MEIOSIN: variants seen among roughly 807,000 people sequenced by gnomAD.
MEIOSIN encodes the protein meiosis initiator, also known as meiosis initiator protein.
MEIOSIN carries 18 observed loss-of-function variants against 23.4 expected under a neutral mutation model. The ratio of observed to expected loss-of-function variants is 0.77; its 90% CI spans 0.53 to 1.14. MEIOSIN has a LOEUF of 1.14. MEIOSIN is among the 50% of genes most tolerant of loss of function. The pLI is 0.00. For synonymous variants in MEIOSIN, 187 were observed against 100.6 expected (o/e 1.86, Z -5.14); for missense variants, 428 against 242.9 (o/e 1.76, Z -5.07).
At chr19:45,762,937 C>A (rs1435374254) in intron 13 of MEIOSIN, among the ~76,000 whole-genome samples, 2 of 152,174 alleles carry the variant, frequency 1.3e-5, no homozygotes, top group African/African-American at 4.8e-5. Flanking sequence ...GGGTCCTGTC[C>A]CCCACCCAAG....
chr19:45,757,641 C>T (rs1341057090), intron 9 of MEIOSIN, among the ~76,000 whole-genome samples: 1 of 151,778 alleles, frequency 6.6e-6, no homozygotes, highest in Non-Finnish European at 1.5e-5. Context: ...CTGCCTCAGC[C>T]TCCCGAGTAG....
At chr19:45,740,810 G>A (rs1339462578) in intron 3 of MEIOSIN, among the ~76,000 whole-genome samples, 1 of 150,224 alleles carries the variant, frequency 6.7e-6, no homozygotes, top group African/African-American at 2.4e-5. Flanking sequence ...TGATAATAAA[G>A]TAACTAGGGT....
At chr19:45,758,743 G>T in intron 9 of MEIOSIN, 135 bp from the exon 10 acceptor site, 1 of 605,628 alleles carries the variant, frequency 1.7e-6, no homozygotes, top group South Asian at 1.9e-5. Context: ...CTTCATTTCT[G>T]TGATCAAGAA....
intron 4 of MEIOSIN, among the ~76,000 whole-genome samples, chr19:45,745,972 T>C (rs1393159053): frequency 6.6e-6 from 1 of 152,120 alleles, no homozygotes; most frequent in Non-Finnish European, 1.5e-5. Context: ...TTTTGTTTTG[T>C]TTTGTTTTGT....
intron 8 of MEIOSIN, 67 bp from the exon 9 acceptor site, chr19:45,757,110 A>C (rs1351232134): frequency 1.5e-6 from 1 of 688,956 alleles, no homozygotes; most frequent in Non-Finnish European, 2.7e-6. Flanking sequence ...CAGAGTGCCA[A>C]AGGGGCCCCA....
intron 13 of MEIOSIN, 32 bp downstream of exon 13, chr19:45,762,215 A>T: frequency 2.5e-6 from 1 of 405,294 alleles, no homozygotes; most frequent in Non-Finnish European, 4.3e-6. Flanking sequence ...GCCCTGGGGA[A>T]GGCCCTGGCT....
intron 3 of MEIOSIN, 85 bp from the exon 4 acceptor site, chr19:45,745,107 G>A: frequency 1.4e-6 from 1 of 690,926 alleles, no homozygotes; most frequent in Non-Finnish European, 2.6e-6. Flanking sequence ...GCCCTAAAAT[G>A]AGTAACACAG....
At chr19:45,751,070 C>G (rs1481007773) in intron 5 of MEIOSIN, among the ~76,000 whole-genome samples, 1 of 151,752 alleles carries the variant, frequency 6.6e-6, no homozygotes, top group Non-Finnish European at 1.5e-5. Flanking sequence ...GTCAGGAGTT[C>G]GAGACCAGCC....
intron 3 of MEIOSIN, 141 bp downstream of exon 3, chr19:45,739,871 G>A: frequency 1.6e-6 from 1 of 609,300 alleles, no homozygotes; most frequent in East Asian, 2.8e-5. Context: ...TTTTGAGACA[G>A]AGCTTTGCTC....
chr19:45,760,855 G>A (rs1055410371), intron 11 of MEIOSIN, among the ~76,000 whole-genome samples: 1 of 150,636 alleles, frequency 6.6e-6, no homozygotes, highest in African/African-American at 2.4e-5. Flanking sequence ...TTGAACCCAA[G>A]AGGTGGAGAA....
In MEIOSIN at chr19:45,754,295, C is replaced by A. The variant is rs1968772414; in HGVS notation, c.557-184C>A. Among the ~76,000 whole-genome samples, 5 of 152,238 alleles carry A rather than the reference C, an allele frequency of 3.3e-5. No homozygotes were observed. In the South Asian group the frequency reaches 1.0e-3, roughly 32 times the overall value. On this transcript the variant is annotated intron_variant, in intron 6 of 14. Coordinates refer to ENST00000457052, the MANE Select transcript of MEIOSIN (RefSeq NM_001310124.2). ...CCTGGCCAGTGTTTTTTAAAGGTCGCAAGATGATTCTGACAGGTGGACAGG... is the reference window on the plus strand; with the variant it reads ...CCTGGCCAGTGTTTTTTAAAGGTCGAAAGATGATTCTGACAGGTGGACAGG...
intron 11 of MEIOSIN, among the ~76,000 whole-genome samples, chr19:45,760,760 C>T (rs543426048): frequency 4.0e-5 from 6 of 151,740 alleles, no homozygotes; most frequent in African/African-American, 1.5e-4. Flanking sequence ...GAAACCCCCT[C>T]TCTACTAAAA....
At chr19:45,746,586 G>A (rs1181289748) in intron 4 of MEIOSIN, among the ~76,000 whole-genome samples, 1 of 151,942 alleles carries the variant, frequency 6.6e-6, no homozygotes, top group Non-Finnish European at 1.5e-5. Flanking sequence ...TTGGGAGGCC[G>A]AGGTGGGTGG....
At chr19:45,759,172 C>A in intron 10 of MEIOSIN, 139 bp downstream of exon 10, 2 of 636,984 alleles carry the variant, frequency 3.1e-6, no homozygotes, top group South Asian at 1.8e-5. Context: ...AGTGGGGGAG[C>A]AGCCACAGGC....
chr19:45,745,089 T>C, intron 3 of MEIOSIN, 103 bp from the exon 4 acceptor site: 1 of 667,990 alleles, frequency 1.5e-6, no homozygotes, highest in Non-Finnish European at 2.7e-6. Context: ...CAGGGTGGGG[T>C]GCGGGCAGCC....
At chr19:45,755,065 A>AG (rs1279791070) in intron 7 of MEIOSIN, among the ~76,000 whole-genome samples, 1 of 151,630 alleles carries the variant, frequency 6.6e-6, no homozygotes, top group Non-Finnish European at 1.5e-5. Flanking sequence ...TCAAGCAGAG[A>AG]GCTAGGCCAG....
At chr19:45,738,361 T>C (rs1371544830) in intron 2 of MEIOSIN, among the ~76,000 whole-genome samples, 1 of 152,260 alleles carries the variant, frequency 6.6e-6, no homozygotes, top group Non-Finnish European at 1.5e-5. Context: ...CTCAGGCCTG[T>C]AATCCCAACA....
intron 4 of MEIOSIN, among the ~76,000 whole-genome samples, chr19:45,749,690 A>AAG (rs1968658055): frequency 1.4e-5 from 2 of 146,560 alleles, no homozygotes; most frequent in Admixed American, 1.4e-4. Context: ...AAAAAAAAAA[A>AAG]AGCGCAAAAA....
intron 14 of MEIOSIN, among the ~76,000 whole-genome samples, chr19:45,763,660 T>G (rs1382155694): frequency 6.6e-6 from 1 of 152,098 alleles, no homozygotes; most frequent in Non-Finnish European, 1.5e-5. Flanking sequence ...TCAATTCTTT[T>G]GCTGTCTCTG....
Sources: allele counts gnomAD v4.1 joint callset (sites outside exome capture counted in the v4.1 genomes callset), GRCh38; gene constraint gnomAD v4.1.1; transcripts MANE v1.5; gene names NCBI Gene and HGNC (gene_info 2026-07-23, HGNC 2026-07-21).